The following ABCD4 variants were observed in gnomAD, a reference collection of about 807,000 sequenced individuals.
ABCD4 encodes the protein ATP binding cassette subfamily D member 4.
A neutral mutation model predicts 86.3 loss-of-function variants in ABCD4; 53 were observed. That is an observed-to-expected ratio of 0.61 (90% CI 0.49 to 0.77). The LOEUF is 0.77. Ranked by LOEUF, ABCD4 falls within the 30% of genes least tolerant of loss-of-function variation. The pLI is 0.00. For missense variants in ABCD4, 757 were observed against 764.5 expected (o/e 0.99, Z 0.12); for synonymous variants, 328 against 313.6 (o/e 1.05, Z -0.49).
At chr14:74,299,441 C>T (rs1045138819) in intron 3 of ABCD4, 107 bp downstream of exon 3, 2 of 1,404,870 alleles carry the variant, frequency 1.4e-6, no homozygotes, top group African/African-American at 2.9e-5. Context: ...GGAGGAAACA[C>T]ACCCCCACAG....
Position 74,292,412 on chromosome 14 carries a change from G to A in ABCD4, c.1029-36C>T, listed in dbSNP as rs780919415. On this transcript the variant is annotated intron_variant, in intron 10 of 18. Coordinates refer to ENST00000356924, the MANE Select transcript of ABCD4 (RefSeq NM_005050.4). ...AAAGAAAATCTGAGGCAGGGTCTGG[G>A]AGCCAGGTGAAGGTGAACTCCTTTT... The A allele has an allele frequency of 4.3e-6, 7 of 1,611,310 alleles. No individual in the cohort carries two copies. The South Asian group carries it at 5.5e-5, about 13-fold the overall frequency.
chr14:74,297,193 A>C (rs1376267061), intron 4 of ABCD4: 1 of 152,342 alleles, frequency 6.6e-6, no homozygotes, highest in Non-Finnish European at 1.5e-5. Flanking sequence ...CATCTGTAAA[A>C]TAACAATAGC....
At chr14:74,302,470 G>A (rs1173590727) in intron 1 of ABCD4, among the ~76,000 whole-genome samples, 1 of 152,228 alleles carries the variant, frequency 6.6e-6, no homozygotes, top group Non-Finnish European at 1.5e-5. Flanking sequence ...GTCTGAAAAG[G>A]GGAGTGAAAG....
At position 74,300,262 on chromosome 14, in the gene ABCD4, C is replaced by T; in HGVS notation, c.45G>A (p.Arg15=). The T allele has an allele frequency of 6.2e-7, 1 of 1,610,880 alleles. No individual in the cohort carries two copies. The highest frequency in any genetic ancestry group is 2.2e-5 in the East Asian group (1 of 44,862). The change falls in exon 2 of 19, where the codon AGG becomes AGA. Residue 15 remains arginine (R), a synonymous_variant. Transcript: ENST00000356924. ...GPAPGAGARP[R]LDLQFLQRFL... The stretch of plus-strand genomic sequence containing the variant: ...ACCGCTGGAGAAATTGCAGATCTAA[C>T]CTGGGCCTGAAGAGAAGGTGGGGAG...
At chr14:74,286,901 C>T (rs967265074) in intron 17 of ABCD4, 85 bp from the exon 18 acceptor site, 2 of 1,329,382 alleles carry the variant, frequency 1.5e-6, no homozygotes, top group African/African-American at 2.9e-5. Flanking sequence ...TCAACCCCAG[C>T]TGGGACCCAG....
chr14:74,290,645 C>T (rs2081246918), intron 11 of ABCD4, 146 bp from the exon 12 acceptor site: 1 of 630,460 alleles, frequency 1.6e-6, no homozygotes, highest in Non-Finnish European at 2.8e-6. Flanking sequence ...GTCCAGCCCC[C>T]TAGTGACTCA....
intron 8 of ABCD4, 45 bp from the exon 9 acceptor site, chr14:74,292,914 C>T: frequency 6.2e-7 from 1 of 1,612,728 alleles, no homozygotes. Context: ...CATCCACATG[C>T]CCTACAGCGG....
intron 11 of ABCD4, 25 bp downstream of exon 11, chr14:74,292,262 A>T (rs777683774): frequency 6.2e-7 from 1 of 1,611,314 alleles, no homozygotes; most frequent in Non-Finnish European, 8.5e-7. Flanking sequence ...AGCCTCAACT[A>T]CTGCTCTGCC....
chr14:74,288,885 A>G, intron 14 of ABCD4, 120 bp from the exon 15 acceptor site: 2 of 1,285,056 alleles, frequency 1.6e-6, no homozygotes, highest in East Asian at 2.6e-5. Context: ...AGGCCGAGGC[A>G]GGTGGATCAC....
rs1245736746 is a variant in ABCD4, at chr14:74,295,342, C to T, written c.669-144G>A. ...TGCCTCAGTCTGACCCTTTCCTGGACTGTTATGGGGTAGAAAACCCCAGGG... is the reference window on the plus strand; with the variant it reads ...TGCCTCAGTCTGACCCTTTCCTGGATTGTTATGGGGTAGAAAACCCCAGGG... On this transcript the variant is annotated intron_variant, in intron 6 of 18. Transcript: ENST00000356924. The T allele has an allele frequency of 3.1e-5, 28 of 903,220 alleles. No individual in the cohort carries two copies. In the Admixed American group the frequency reaches 6.0e-4, roughly 19 times the overall value. The allele number at this position is 903,220 out of a possible 1,614,324, so 56.0% of individuals were successfully genotyped here. A position where few individuals can be genotyped will look rare whatever the true frequency, so the allele number is the denominator to read the frequency against.
At chr14:74,292,932 C>A in intron 8 of ABCD4, 63 bp from the exon 9 acceptor site, 2 of 1,607,570 alleles carry the variant, frequency 1.2e-6, no homozygotes, top group Non-Finnish European at 1.7e-6. Context: ...CGGACACAAC[C>A]CTAAGACAGG....
chr14:74,299,920 G>A (rs551276277), intron 2 of ABCD4: 6 of 584,644 alleles, frequency 1.0e-5, no homozygotes, highest in Admixed American at 3.1e-5. Context: ...AAGTTTAGTC[G>A]GGCGTGGTGG....
Position 74,299,570 on chromosome 14 carries a change from A to G in ABCD4, c.263T>C (p.Met88Thr). 1 of 1,613,922 alleles carries G rather than the reference A, an allele frequency of 6.2e-7. No homozygotes were observed. Among genetic ancestry groups the G allele is most frequent in the Non-Finnish European group, 8.5e-7 (1 of 1,179,872 alleles). Residue 88 changes from methionine to threonine, a missense_variant, in exon 3 of 19, where the codon ATG becomes ACG. Met to Thr is a moderately conservative substitution (Grantham distance 81). Transcript: ENST00000356924. ...GFKTLTFLAVMLIVLNSTLKS... is the reference protein window; with the variant it reads ...GFKTLTFLAVTLIVLNSTLKS... ...TACCGTGGAGTTCAGAACAATGAGC[A>G]TGACAGCCAGGAATGTCAGAGTCTT...
At position 74,298,080 on chromosome 14, in the gene ABCD4, G is replaced by A. The variant is rs755963257; in HGVS notation, c.286-11C>T. The A allele has an allele frequency of 1.1e-5, 18 of 1,611,974 alleles. 1 individual carries two copies. In the South Asian group the frequency reaches 2.0e-4, roughly 18 times the overall value. ...ATCAAAGCTCTTCAGCTGTGCAGTG[G>A]GGGAAGCAAGGGGAAGGGAGAGATG... On this transcript the variant is annotated splice_polypyrimidine_tract_variant and intron_variant, in intron 3 of 18. Coordinates refer to ENST00000356924, the MANE Select transcript of ABCD4 (RefSeq NM_005050.4).
intron 1 of ABCD4, among the ~76,000 whole-genome samples, chr14:74,300,946 T>A (rs2084290558): frequency 6.7e-6 from 1 of 150,010 alleles, no homozygotes; most frequent in Non-Finnish European, 1.5e-5. Context: ...TCCGCCTCCC[T>A]GGTTCAAGTG....
chr14:74,293,184 C>T lies in ABCD4; in HGVS notation c.784G>A (p.Glu262Lys), dbSNP rs1337855053. The change falls in exon 8 of 19, where the codon GAG becomes AAG. Residue 262 changes from glutamate (E) to lysine (K), a missense_variant. Glu to Lys is a moderately conservative substitution (Grantham distance 56). Transcript: ENST00000356924. ...RLQRLLQTQR[E>K]LMSKELWLYI... The stretch of plus-strand genomic sequence containing the variant: ...AGCCAGAGCTCCTTGGACATCAGCT[C>T]CCTCTGGGTCTGAAGGAGTCTCTGC... 1.2e-6 allele frequency: 2 copies of T among 1,614,180 alleles called. No individual in the cohort carries two copies. The highest frequency in any genetic ancestry group is 1.7e-6 in the Non-Finnish European group (2 of 1,180,038).
intron 17 of ABCD4, among the ~76,000 whole-genome samples, chr14:74,287,551 C>CAAAAA (rs67310859): frequency 2.8e-5 from 3 of 107,338 alleles, no homozygotes; most frequent in Non-Finnish European, 5.8e-5. Flanking sequence ...GAGACTGTCT[C>CAAAAA]AAAAAAAAAA....
In ABCD4 at chr14:74,299,535, G is replaced by C. The variant is rs756789509; in HGVS notation, c.285+13C>G. ...GAGAGGACGAGAGACACAGAGAGAG[G>C]GAAAGATCTTACCGTGGAGTTCAGA... On this transcript the variant is annotated intron_variant, in intron 3 of 18. Coordinates refer to ENST00000356924, the MANE Select transcript of ABCD4 (RefSeq NM_005050.4). The C allele has an allele frequency of 3.1e-6, 5 of 1,612,788 alleles. No homozygotes were observed. Among genetic ancestry groups the C allele is most frequent in the Non-Finnish European group, 3.4e-6 (4 of 1,179,186 alleles).
chr14:74,288,375 C>T lies in ABCD4; in HGVS notation c.1507-116G>A, dbSNP rs868512795. ...CACACACCTCTAAGACAAATATATG[C>T]CCCAGTGGCATACCAAGGCGGGGGA... is the stretch of plus-strand genomic sequence containing the variant. On this transcript the variant is annotated intron_variant, in intron 15 of 18. Coordinates refer to ENST00000356924, the MANE Select transcript of ABCD4 (RefSeq NM_005050.4). 3.9e-6 allele frequency: 4 copies of T among 1,018,618 alleles called. No homozygotes were observed. In the Admixed American group the frequency reaches 7.2e-5, roughly 18 times the overall value. The allele number at this position is 1,018,618 out of a possible 1,614,324, so 63.1% of individuals were successfully genotyped here.
Sources: gnomAD v4.1 joint callset for allele counts (sites outside exome capture counted in the v4.1 genomes callset) on GRCh38, gnomAD v4.1.1 for gene constraint, MANE v1.5 for transcripts, NCBI Gene and HGNC (gene_info 2026-07-23, HGNC 2026-07-21) for gene names.